Variants in OPCML observed in about 807,000 individuals in gnomAD.
The protein encoded by OPCML is opioid binding protein/cell adhesion molecule like, also known as opioid-binding protein/cell adhesion molecule.
Under a neutral mutation model 37.8 loss-of-function variants are expected in OPCML, and 13 were observed. That is an observed-to-expected ratio of 0.34 (90% CI 0.22 to 0.55). OPCML has a LOEUF of 0.55. OPCML is among the 20% of genes least tolerant of loss of function. OPCML has a pLI of 0.91. For missense variants in OPCML, 341 were observed against 435.6 expected (o/e 0.78, Z 1.93); for synonymous variants, 176 against 168.8 (o/e 1.04, Z -0.33).
intron 3 of OPCML, among the ~76,000 whole-genome samples, chr11:132,552,909 G>A (rs2096385558): frequency 6.6e-6 from 1 of 151,702 alleles, no homozygotes; most frequent in African/African-American, 2.4e-5. Flanking sequence ...GGGACTACAG[G>A]TGCCCGCCAC....
chr11:133,133,013 G>C (rs1949630040), intron 1 of OPCML, among the ~76,000 whole-genome samples: 1 of 152,146 alleles, frequency 6.6e-6, no homozygotes, highest in Non-Finnish European at 1.5e-5. Flanking sequence ...ACCAACGTCA[G>C]AGAAACCAGA....
At chr11:132,652,584 A>G (rs1287128375) in intron 3 of OPCML, among the ~76,000 whole-genome samples, 1 of 152,174 alleles carries the variant, frequency 6.6e-6, no homozygotes, top group African/African-American at 2.4e-5. Flanking sequence ...CAGTTACCTA[A>G]TTTGTAAATG....
chr11:132,630,581 A>G (rs958404700), intron 3 of OPCML, among the ~76,000 whole-genome samples: 2 of 152,116 alleles, frequency 1.3e-5, no homozygotes, highest in African/African-American at 4.8e-5. Flanking sequence ...GAGAGCATAT[A>G]CCACTACATA....
At chr11:132,905,085 C>T (rs1944189408) in intron 2 of OPCML, among the ~76,000 whole-genome samples, 1 of 152,148 alleles carries the variant, frequency 6.6e-6, no homozygotes, top group Non-Finnish European at 1.5e-5. Context: ...GGACCATCTC[C>T]TTCAGTTTAC....
At chr11:132,732,356 A>G (rs983625985) in intron 2 of OPCML, among the ~76,000 whole-genome samples, 1 of 152,218 alleles carries the variant, frequency 6.6e-6, no homozygotes, top group East Asian at 1.9e-4. Context: ...TTCTGACAAG[A>G]CTTGCTAAGA....
chr11:132,747,288 G>A (rs991314568), intron 2 of OPCML, among the ~76,000 whole-genome samples: 1 of 152,124 alleles, frequency 6.6e-6, no homozygotes, highest in African/African-American at 2.4e-5. Flanking sequence ...AGGTATTATA[G>A]GAAGCAGTGA....
At chr11:132,747,923 G>A (rs988454123) in intron 2 of OPCML, among the ~76,000 whole-genome samples, 1 of 152,040 alleles carries the variant, frequency 6.6e-6, no homozygotes, top group South Asian at 2.1e-4. Context: ...TGCCTCACCT[G>A]GCTTCATAAT....
intron 1 of OPCML, among the ~76,000 whole-genome samples, chr11:133,518,899 G>C (rs1948346010): frequency 1.3e-5 from 2 of 152,098 alleles, no homozygotes; most frequent in South Asian, 4.1e-4. Flanking sequence ...TGCCATGTCT[G>C]ATTGCTGCAA....
At chr11:132,598,400 T>C (rs901117776) in intron 3 of OPCML, among the ~76,000 whole-genome samples, 3 of 152,194 alleles carry the variant, frequency 2.0e-5, no homozygotes, top group Non-Finnish European at 2.9e-5. Context: ...AGTCGAGGCA[T>C]GGGAGACACG....
In OPCML at chr11:132,434,606, G is replaced by A. The variant is rs367622341; in HGVS notation, c.916+1480C>T. ...TCCTTTCACTTACCTGTAAAATGGG[G>A]TTAATAACCTGCCTTGCACAGCCCT... On this transcript the variant is annotated intron_variant, in intron 7 of 7. Transcript: ENST00000524381. Among the ~76,000 whole-genome samples the A allele has an allele frequency of 9.2e-5, 14 of 152,278 alleles. No homozygotes were observed. In the South Asian group the frequency reaches 2.9e-3, roughly 32 times the overall value.
intron 3 of OPCML, among the ~76,000 whole-genome samples, chr11:132,604,088 C>G (rs1342450196): frequency 6.6e-6 from 1 of 152,104 alleles, no homozygotes; most frequent in Non-Finnish European, 1.5e-5. Flanking sequence ...CATTTGTTAG[C>G]AAATGATTCT....
At chr11:132,473,879 A>G (rs2096145953) in intron 4 of OPCML, among the ~76,000 whole-genome samples, 1 of 152,192 alleles carries the variant, frequency 6.6e-6, no homozygotes, top group Admixed American at 6.5e-5. Context: ...CATAAGGCCC[A>G]AAAGTCATGG....
At chr11:133,324,110 G>C (rs748197774) in intron 1 of OPCML, among the ~76,000 whole-genome samples, 1 of 152,218 alleles carries the variant, frequency 6.6e-6, no homozygotes, top group Non-Finnish European at 1.5e-5. Context: ...CAAGCAGAAG[G>C]GGGAAGATTT....
chr11:132,902,067 T>A (rs1944082540), intron 2 of OPCML, among the ~76,000 whole-genome samples: 1 of 152,202 alleles, frequency 6.6e-6, no homozygotes, highest in Non-Finnish European at 1.5e-5. Flanking sequence ...ATGAAGATAC[T>A]TCTAATGTTA....
intron 3 of OPCML, among the ~76,000 whole-genome samples, chr11:132,623,659 G>C (rs949232120): frequency 6.6e-6 from 1 of 152,154 alleles, no homozygotes; most frequent in African/African-American, 2.4e-5. Flanking sequence ...AAAATGTGTG[G>C]GTGGGCAGGC....
rs775292702 is a variant in OPCML, at chr11:133,174,052, A to G, written c.62-231042T>C. 2.6e-5 allele frequency among the ~76,000 whole-genome samples: 4 copies of G among 152,374 alleles called. No homozygotes were observed. The highest frequency in any genetic ancestry group is 4.8e-5 in the African/African-American group (2 of 41,586). On this transcript the variant is annotated intron_variant, in intron 1 of 7. Transcript: ENST00000524381. The surrounding 1 kb of genome is among the most constrained non-coding windows in gnomAD (Gnocchi z 4.6). ...GCCTGGCAGGCCCTGCACTGCGGCCATAAATCAGGAACTAATTCAATCCTG... is the reference window on the plus strand; with the variant it reads ...GCCTGGCAGGCCCTGCACTGCGGCCGTAAATCAGGAACTAATTCAATCCTG...
At chr11:133,527,631 T>C (rs1249095252) in intron 1 of OPCML, among the ~76,000 whole-genome samples, 1 of 152,204 alleles carries the variant, frequency 6.6e-6, no homozygotes, top group Non-Finnish European at 1.5e-5. Context: ...ACCCTATTCC[T>C]AGAGGACCAG....
intron 1 of OPCML, among the ~76,000 whole-genome samples, chr11:133,110,457 C>T (rs2137091142): frequency 6.6e-6 from 1 of 152,256 alleles, no homozygotes; most frequent in Middle Eastern, 3.4e-3. Flanking sequence ...GAGCCCATAG[C>T]AGAGGTCACA....
At chr11:133,332,779 C>T (rs1245297913) in intron 1 of OPCML, among the ~76,000 whole-genome samples, 4 of 152,008 alleles carry the variant, frequency 2.6e-5, no homozygotes, top group African/African-American at 2.4e-5. Context: ...ATATGTTGAA[C>T]CAACCTTGCC....
Sources: allele counts gnomAD v4.1 joint callset (sites outside exome capture counted in the v4.1 genomes callset), GRCh38; gene constraint gnomAD v4.1.1; non-coding constraint Gnocchi (gnomAD v3.1); transcripts MANE v1.5; gene names NCBI Gene and HGNC (gene_info 2026-07-23, HGNC 2026-07-21).